The following BBX variants were observed in gnomAD, a reference collection of about 807,000 sequenced individuals.
BBX encodes the protein BBX high mobility group box domain containing, also known as HMG box transcription factor BBX.
Under a neutral mutation model 100.2 loss-of-function variants are expected in BBX, and 30 were observed. That is an observed-to-expected ratio of 0.30 (90% CI 0.22 to 0.41). The LOEUF (loss-of-function observed/expected upper bound fraction) is 0.41, where lower values mean the gene tolerates loss of function less well. Among genes scored for constraint, BBX ranks in the 10% least tolerant of loss-of-function variants. BBX has a pLI of 1.00. For synonymous variants in BBX, 376 were observed against 388.1 expected (o/e 0.97, Z 0.37); for missense variants, 1,023 against 1,129.8 (o/e 0.91, Z 1.35).
chr3:107,609,632 A>G (rs2054693109), intron 2 of BBX, among the ~76,000 whole-genome samples: 1 of 151,938 alleles, frequency 6.6e-6, no homozygotes, highest in Non-Finnish European at 1.5e-5. Context: ...TGTCTAGGAA[A>G]TTATCCATTT....
intron 3 of BBX, chr3:107,662,877 C>T (rs1012035809): frequency 6.6e-6 from 1 of 152,052 alleles, no homozygotes; most frequent in African/African-American, 2.4e-5. Flanking sequence ...TGAGTACGTG[C>T]TAGGTACTTG....
At chr3:107,573,916 G>A (rs1445457205) in intron 2 of BBX, among the ~76,000 whole-genome samples, 1 of 152,034 alleles carries the variant, frequency 6.6e-6, no homozygotes, top group Non-Finnish European at 1.5e-5. Context: ...CGGGAGACCG[G>A]GTTTCTCCAT....
chr3:107,643,408 A>AG (rs1309273826), intron 2 of BBX, among the ~76,000 whole-genome samples: 1 of 151,668 alleles, frequency 6.6e-6, no homozygotes, highest in Non-Finnish European at 1.5e-5. Context: ...TAGGACTGGG[A>AG]GGGGGGTGTG....
intron 3 of BBX, among the ~76,000 whole-genome samples, chr3:107,654,168 C>G (rs1224900495): frequency 1.3e-5 from 2 of 152,086 alleles, no homozygotes; most frequent in African/African-American, 2.4e-5. Context: ...TTTTGTCAGG[C>G]CATTTGGAAG....
intron 3 of BBX, among the ~76,000 whole-genome samples, chr3:107,709,579 AT>A (rs1210079547): frequency 1.1e-4 from 16 of 152,208 alleles, no homozygotes; most frequent in Admixed American, 1.0e-3. Context: ...CATGACAGTA[AT>A]TTCTATTTTA....
At chr3:107,632,333 C>G (rs553258286) in intron 2 of BBX, among the ~76,000 whole-genome samples, 1 of 152,292 alleles carries the variant, frequency 6.6e-6, no homozygotes, top group African/African-American at 2.4e-5. Context: ...AATCTGCCAG[C>G]CTTGGCCTCC....
intron 2 of BBX, among the ~76,000 whole-genome samples, chr3:107,640,928 G>A (rs1047596336): frequency 3.3e-5 from 5 of 151,958 alleles, no homozygotes; most frequent in African/African-American, 1.2e-4. Context: ...TCCCAAAGTG[G>A]TGGGATTAAC....
intron 2 of BBX, chr3:107,599,531 C>T (rs1020741004): frequency 5.9e-5 from 9 of 152,084 alleles, no homozygotes; most frequent in East Asian, 1.9e-4. Flanking sequence ...GTTGTCACAT[C>T]GTGCCGGTGT....
chr3:107,772,838 T>G lies in BBX; in HGVS notation c.1117T>G (p.Phe373Val), dbSNP rs1381702570. The G allele has an allele frequency of 6.8e-6, 11 of 1,613,556 alleles. No homozygotes were observed. The highest frequency in any genetic ancestry group is 9.3e-6 in the Non-Finnish European group (11 of 1,179,872). ...AAGAGATTCTAAGGAATTGAGAAAT[T>G]TTGAGGCATTGCAAATAGATGACAT... ...NLRDSKELRN[F>V]EALQIDDIMA... The change falls in exon 11 of 18, where the codon TTT (phenylalanine) becomes GTT (valine). Residue 373 changes from phenylalanine (F) to valine (V), a missense_variant. Phe to Val is a conservative substitution (Grantham distance 50). Coordinates refer to ENST00000325805, the MANE Select transcript of BBX (RefSeq NM_001142568.3).
chr3:107,567,957 GA>G (rs2051046685), intron 2 of BBX, among the ~76,000 whole-genome samples: 1 of 151,558 alleles, frequency 6.6e-6, no homozygotes, highest in Admixed American at 6.6e-5. Flanking sequence ...CCCTAAGCAA[GA>G]GAACTTGAGT....
chr3:107,745,895 A>G (rs778724329), intron 8 of BBX, among the ~76,000 whole-genome samples: 2 of 152,148 alleles, frequency 1.3e-5, no homozygotes, highest in Admixed American at 6.5e-5. Context: ...AATTTTGGAT[A>G]TGTTAGCATG....
intron 13 of BBX, among the ~76,000 whole-genome samples, chr3:107,786,313 TG>T (rs1340611487): frequency 6.6e-6 from 1 of 152,058 alleles, no homozygotes; most frequent in Admixed American, 6.6e-5. Context: ...AATTGACAAA[TG>T]AGTCTAAAAT....
At chr3:107,613,744 A>G (rs1250453695) in intron 2 of BBX, among the ~76,000 whole-genome samples, 1 of 152,070 alleles carries the variant, frequency 6.6e-6, no homozygotes, top group East Asian at 1.9e-4. Flanking sequence ...TAACCTCTCA[A>G]AATTATTATT....
chr3:107,736,154 A>T (rs1357053016), intron 7 of BBX, among the ~76,000 whole-genome samples: 7 of 152,056 alleles, frequency 4.6e-5, no homozygotes, highest in African/African-American at 1.4e-4. Flanking sequence ...CCTGGCTCAA[A>T]ATAGCAGACT....
chr3:107,694,207 C>T (rs1447040475), intron 3 of BBX, among the ~76,000 whole-genome samples: 2 of 78,904 alleles, frequency 2.5e-5, no homozygotes, highest in Non-Finnish European at 5.1e-5. Context: ...GCCTAATTGC[C>T]CTGGCCAGAA....
At chr3:107,682,803 C>A (rs2059637247) in intron 3 of BBX, among the ~76,000 whole-genome samples, 1 of 152,066 alleles carries the variant, frequency 6.6e-6, no homozygotes, top group Non-Finnish European at 1.5e-5. Flanking sequence ...TGTGGTGAAG[C>A]AGTTAATTTT....
intron 2 of BBX, among the ~76,000 whole-genome samples, chr3:107,556,130 T>C (rs994448533): frequency 4.6e-5 from 7 of 152,162 alleles, no homozygotes; most frequent in African/African-American, 1.7e-4. Flanking sequence ...TGCTCAACTC[T>C]TTTGGTTCAC....
At chr3:107,575,933 G>C (rs917856628) in intron 2 of BBX, among the ~76,000 whole-genome samples, 1 of 152,180 alleles carries the variant, frequency 6.6e-6, no homozygotes, top group Non-Finnish European at 1.5e-5. Flanking sequence ...CATTTTATGA[G>C]GCTGAGGCAG....
intron 3 of BBX, among the ~76,000 whole-genome samples, chr3:107,660,989 C>T (rs1213398853): frequency 2.6e-5 from 4 of 152,218 alleles, no homozygotes; most frequent in South Asian, 4.1e-4. Flanking sequence ...TTTATCTTTC[C>T]AGTCAGCTGA....
Sources: allele counts gnomAD v4.1 joint callset (sites outside exome capture counted in the v4.1 genomes callset), GRCh38; gene constraint gnomAD v4.1.1; transcripts MANE v1.5; gene names NCBI Gene and HGNC (gene_info 2026-07-23, HGNC 2026-07-21).